Variants in SUGCT observed in about 807,000 individuals in gnomAD.
The protein encoded by SUGCT is succinyl-CoA:glutarate CoA-transferase.
SUGCT carries 41 observed loss-of-function variants against 55.0 expected under a neutral mutation model. That is an observed-to-expected ratio of 0.74 (90% confidence interval 0.58 to 0.97). The LOEUF (loss-of-function observed/expected upper bound fraction) is 0.97, where lower values mean the gene tolerates loss of function less well. Among genes scored for constraint, SUGCT ranks in the 50% least tolerant of loss-of-function variants. The probability of loss-of-function intolerance (pLI) is 0.00; values close to 1 mark genes in which losing one functional copy is unlikely to be tolerated. For synonymous variants in SUGCT, 187 were observed against 200.4 expected, an observed-to-expected ratio of 0.93 and a Z score of 0.56; for missense variants, 568 against 547.8, an observed-to-expected ratio of 1.04 and a Z score of -0.37.
At chr7:40,312,371 A>G (rs1795206384) in intron 8 of SUGCT, among the ~76,000 whole-genome samples, 2 of 152,032 alleles carry the variant, frequency 1.3e-5, no homozygotes, top group Non-Finnish European at 2.9e-5. Context: ...TCCTTTTTGT[A>G]TCCATCTGGA....
chr7:40,764,485 A>T (rs1411967012), intron 13 of SUGCT, among the ~76,000 whole-genome samples: 2 of 152,122 alleles, frequency 1.3e-5, no homozygotes, highest in Non-Finnish European at 2.9e-5. Flanking sequence ...ATATCATCTT[A>T]TTTGGCTATC....
intron 9 of SUGCT, among the ~76,000 whole-genome samples, chr7:40,428,707 T>C (rs1266954024): frequency 6.6e-6 from 1 of 152,210 alleles, no homozygotes; most frequent in Non-Finnish European, 1.5e-5. Context: ...CCTGTTTTAT[T>C]GTCATGGTTG....
intron 12 of SUGCT, among the ~76,000 whole-genome samples, chr7:40,742,218 A>T (rs1787498445): frequency 6.6e-6 from 1 of 152,226 alleles, no homozygotes. Flanking sequence ...AATTAGAGAA[A>T]ATAGGAAAAA....
chr7:40,149,448 G>C (rs368982629), intron 1 of SUGCT, among the ~76,000 whole-genome samples: 1 of 152,186 alleles, frequency 6.6e-6, no homozygotes, highest in South Asian at 2.1e-4. Flanking sequence ...TTCTTGTCTG[G>C]GGACTAGATT....
At chr7:40,888,224 A>G in the SUGCT span, among the ~76,000 whole-genome samples, 1 of 152,196 alleles carries the variant, frequency 6.6e-6, no homozygotes, top group Non-Finnish European at 1.5e-5. Flanking sequence ...CTTCTCCTAC[A>G]GCAGGCTTCC....
At chr7:40,222,086 T>C (rs2150828873) in intron 6 of SUGCT, among the ~76,000 whole-genome samples, 1 of 152,360 alleles carries the variant, frequency 6.6e-6, no homozygotes, top group African/African-American at 2.4e-5. Flanking sequence ...TTTTAGAGCC[T>C]GCGCAAGCAG....
the SUGCT span, among the ~76,000 whole-genome samples, chr7:40,867,055 T>TA: frequency 6.6e-6 from 1 of 151,712 alleles, no homozygotes; most frequent in South Asian, 2.1e-4. Context: ...TCAGAGTTGT[T>TA]ACCTTTAATT....
chr7:40,525,648 T>C (rs1473966249), intron 12 of SUGCT, among the ~76,000 whole-genome samples: 2 of 152,074 alleles, frequency 1.3e-5, no homozygotes, highest in East Asian at 3.9e-4. Flanking sequence ...AGAGAAAATA[T>C]GAATACTTAA....
chr7:40,172,074 A>C (rs964752266), intron 1 of SUGCT, among the ~76,000 whole-genome samples: 1 of 151,734 alleles, frequency 6.6e-6, no homozygotes, highest in Admixed American at 6.6e-5. Flanking sequence ...TGTTGCCCCC[A>C]TTTGCCACTA....
intron 12 of SUGCT, among the ~76,000 whole-genome samples, chr7:40,690,593 G>T (rs1225799776): frequency 6.6e-6 from 1 of 151,454 alleles, no homozygotes; most frequent in Non-Finnish European, 1.5e-5. Context: ...TTTGAGACAA[G>T]GTGAAACTCT....
intron 8 of SUGCT, among the ~76,000 whole-genome samples, chr7:40,284,138 TG>T (rs1288702687): frequency 4.4e-5 from 4 of 91,154 alleles, no homozygotes; most frequent in Non-Finnish European, 8.6e-5. Flanking sequence ...TGCCAGGGGC[TG>T]GGGGTTGGAG....
chr7:40,794,351 G>C (rs1790451369), intron 13 of SUGCT, among the ~76,000 whole-genome samples: 1 of 152,116 alleles, frequency 6.6e-6, no homozygotes, highest in Non-Finnish European at 1.5e-5. Flanking sequence ...CTATAAATCT[G>C]TATGAGGTCT....
chr7:40,772,549 TCTATCTATCTATCTGGTGTTATCTATCTG>T (rs1562994168), intron 13 of SUGCT, among the ~76,000 whole-genome samples: 4 of 148,588 alleles, frequency 2.7e-5, no homozygotes, highest in African/African-American at 9.9e-5. Flanking sequence ...TATCTATCTA[TCTATCTATCTATCTGGTGTTATCTATCTG>T]CTATCTATCT....
chr7:40,790,108 A>C (rs948382255), intron 13 of SUGCT, among the ~76,000 whole-genome samples: 2 of 152,150 alleles, frequency 1.3e-5, no homozygotes, highest in African/African-American at 2.4e-5. Context: ...CTGTGTCACC[A>C]CCCAAATCTC....
intron 13 of SUGCT, among the ~76,000 whole-genome samples, chr7:40,765,519 A>G (rs1788741681): frequency 6.6e-6 from 1 of 152,060 alleles, no homozygotes; most frequent in African/African-American, 2.4e-5. Flanking sequence ...AAAATAAAAA[A>G]TAAAAAATAA....
chr7:40,449,447 CCT>C, intron 10 of SUGCT, 89 bp downstream of exon 10: 2 of 858,822 alleles, frequency 2.3e-6, no homozygotes, highest in Non-Finnish European at 3.9e-6. Flanking sequence ...ACTTAGGCCC[CCT>C]GTGTTAGCAA....
chr7:40,666,444 T>TTTTTTTTG (rs1584239846), intron 12 of SUGCT, among the ~76,000 whole-genome samples: 1 of 146,682 alleles, frequency 6.8e-6, no homozygotes, highest in Non-Finnish European at 1.5e-5. Context: ...TTTTTTTTTT[T>TTTTTTTTG]GGTGGGTGGA....
chr7:40,992,825 CAT>C, the SUGCT span, among the ~76,000 whole-genome samples: 1 of 152,076 alleles, frequency 6.6e-6, no homozygotes, highest in Non-Finnish European at 1.5e-5. Flanking sequence ...TACAAGAAAA[CAT>C]ATCTATGAGC....
chr7:40,592,857 G>A (rs551564097), intron 12 of SUGCT, among the ~76,000 whole-genome samples: 2 of 152,284 alleles, frequency 1.3e-5, no homozygotes, highest in South Asian at 2.1e-4. Context: ...CTTGGGTATG[G>A]TCCCTAGAGG....
Sources: gnomAD v4.1 joint callset for allele counts (sites outside exome capture counted in the v4.1 genomes callset) on GRCh38, gnomAD v4.1.1 for gene constraint, MANE v1.5 for transcripts, NCBI Gene and HGNC (gene_info 2026-07-23, HGNC 2026-07-21) for gene names.